Variants in PDE1C observed in about 807,000 individuals in gnomAD.
PDE1C encodes the protein phosphodiesterase 1C, also known as dual specificity calcium/calmodulin-dependent 3',5'-cyclic nucleotide phosphodiesterase 1C.
A neutral mutation model predicts 93.1 loss-of-function variants in PDE1C; 62 were observed. That is an observed-to-expected ratio of 0.67 (90% confidence interval 0.54 to 0.82). The LOEUF (loss-of-function observed/expected upper bound fraction) is 0.82. Ranked by LOEUF, PDE1C falls within the 40% of genes least tolerant of loss-of-function variation. The pLI, the probability that PDE1C is intolerant of heterozygous loss-of-function variation, is 0.00. For missense variants in PDE1C, 742 were observed against 884.6 expected, an observed-to-expected ratio of 0.84 and a Z score of 2.04; for synonymous variants, 325 against 310.1, an observed-to-expected ratio of 1.05 and a Z score of -0.50.
the PDE1C span, among the ~76,000 whole-genome samples, chr7:31,683,797 AAATTGTCTGGAAATGCTC>A: frequency 5.3e-5 from 8 of 152,254 alleles, no homozygotes; most frequent in Non-Finnish European, 1.2e-4. Context: ...TGACTAAAAT[AAATTGTCTGGAAATGCTC>A]AATCATTTTA....
intron 2 of PDE1C, among the ~76,000 whole-genome samples, chr7:32,013,574 G>C (rs746377289): frequency 3.9e-5 from 6 of 152,204 alleles, no homozygotes; most frequent in Non-Finnish European, 8.8e-5. Context: ...GGCAAAGGCA[G>C]AGGAGAATAA....
chr7:31,844,523 T>C (rs925945618), intron 9 of PDE1C, among the ~76,000 whole-genome samples: 11 of 151,970 alleles, frequency 7.2e-5, no homozygotes, highest in Non-Finnish European at 1.5e-5. Flanking sequence ...TAGTCTACTG[T>C]GATTCAACTT....
chr7:31,889,329 G>A (rs1023318549), intron 2 of PDE1C, among the ~76,000 whole-genome samples: 4 of 152,160 alleles, frequency 2.6e-5, no homozygotes, highest in Admixed American at 1.3e-4. Context: ...GTGTGAGGAT[G>A]TGCATATGTA....
chr7:32,220,796 C>G (rs577859561), intron 1 of PDE1C, among the ~76,000 whole-genome samples: 1 of 152,046 alleles, frequency 6.6e-6, no homozygotes, highest in Non-Finnish European at 1.5e-5. Flanking sequence ...CCAGCCTGGG[C>G]GACAGAGCGA....
In PDE1C at chr7:31,964,000, G is replaced by T. The variant is rs531411170; in HGVS notation, c.129-83140C>A. Among the ~76,000 whole-genome samples the T allele has an allele frequency of 5.9e-5, 9 of 152,342 alleles. 1 individual carries two copies. Among genetic ancestry groups the T allele is most frequent in the African/African-American group, 2.2e-4 (9 of 41,584 alleles). ...GAGGCAAGGTGGCCAAATAGGAACA[G>T]CTGGGAGCTATCTACAGCTCCCAGT... On this transcript the variant is annotated intron_variant, in intron 2 of 17. Coordinates refer to ENST00000396191, the MANE Select transcript of PDE1C (RefSeq NM_001191057.4).
the PDE1C span, chr7:31,651,244 T>C: frequency 1.2e-6 from 2 of 1,613,438 alleles, no homozygotes; most frequent in Non-Finnish European, 1.7e-6. Context: ...GGCCCTCTTT[T>C]CCAGGGACAT....
chr7:31,678,074 AT>A, the PDE1C span, among the ~76,000 whole-genome samples: 1 of 152,178 alleles, frequency 6.6e-6, no homozygotes, highest in South Asian at 2.1e-4. Flanking sequence ...TTAATAAAAA[AT>A]GTTCTAACGC....
rs12154642 is a variant in PDE1C, at chr7:32,168,852, T to G, written c.308+933A>C. On this transcript the variant is annotated intron_variant, in intron 3 of 18. Transcript: ENST00000396193. Reference sequence around the variant, plus strand: ...TCACTGAGCAATTACACATATCACCTGGATACAAAAGAGAGTATATTTTTC... The same window carrying G: ...TCACTGAGCAATTACACATATCACCGGGATACAAAAGAGAGTATATTTTTC... Among the ~76,000 whole-genome samples the G allele has an allele frequency of 4.0e-3, 614 of 152,246 alleles. 8 individuals carry two copies. The highest frequency in any genetic ancestry group is 0.033 in the South Asian group (161 of 4,826).
At chr7:32,201,322 G>A (rs1157795094) in intron 2 of PDE1C, among the ~76,000 whole-genome samples, 1 of 152,176 alleles carries the variant, frequency 6.6e-6, no homozygotes, top group Non-Finnish European at 1.5e-5. Flanking sequence ...TAGAGGAGGA[G>A]GTGCTTGGAG....
At chr7:32,111,608 G>A (rs1171871954) in intron 3 of PDE1C, among the ~76,000 whole-genome samples, 1 of 152,072 alleles carries the variant, frequency 6.6e-6, no homozygotes, top group Non-Finnish European at 1.5e-5. Context: ...AATGTCTGTT[G>A]GGGAAACTGA....
chr7:31,703,405 A>G, the PDE1C span, among the ~76,000 whole-genome samples: 1 of 152,332 alleles, frequency 6.6e-6, no homozygotes, highest in Non-Finnish European at 1.5e-5. Context: ...TGAATCAAAA[A>G]TGTTTATCAA....
At chr7:32,189,984 T>C (rs1161694924) in intron 2 of PDE1C, among the ~76,000 whole-genome samples, 1 of 152,224 alleles carries the variant, frequency 6.6e-6, no homozygotes, top group Admixed American at 6.5e-5. Flanking sequence ...AAAAACTTGG[T>C]TGAACATCTC....
intron 1 of PDE1C, among the ~76,000 whole-genome samples, chr7:32,356,202 C>T (rs1378829336): frequency 1.2e-4 from 19 of 152,210 alleles, no homozygotes; most frequent in Admixed American, 1.2e-3. Context: ...AAGGCTCCAG[C>T]CAACATTCAG....
At chr7:31,965,333 C>A (rs1010006670) in intron 2 of PDE1C, among the ~76,000 whole-genome samples, 1 of 152,000 alleles carries the variant, frequency 6.6e-6, no homozygotes, top group Admixed American at 6.6e-5. Flanking sequence ...GTAGCCGATG[C>A]GATCAACTGG....
At chr7:31,645,713 T>C in the PDE1C span, among the ~76,000 whole-genome samples, 2 of 152,158 alleles carry the variant, frequency 1.3e-5, no homozygotes, top group Non-Finnish European at 2.9e-5. Context: ...AACTCCCAGA[T>C]GACATTTCGT....
At chr7:31,976,514 A>G (rs1042178098) in intron 2 of PDE1C, among the ~76,000 whole-genome samples, 1 of 152,218 alleles carries the variant, frequency 6.6e-6, no homozygotes, top group Non-Finnish European at 1.5e-5. Flanking sequence ...TATGGTTTCT[A>G]TTAAATAGGT....
chr7:32,083,907 G>A (rs1261503932), intron 3 of PDE1C, among the ~76,000 whole-genome samples: 1 of 151,772 alleles, frequency 6.6e-6, no homozygotes, highest in African/African-American at 2.4e-5. Flanking sequence ...ATGCCAAAAT[G>A]TAAAGACCAT....
chr7:32,404,047 C>T (rs1303603089), intron 1 of PDE1C, among the ~76,000 whole-genome samples: 6 of 152,300 alleles, frequency 3.9e-5, no homozygotes, highest in African/African-American at 7.2e-5. Context: ...ATTAGCCCAA[C>T]GACTAACTGC....
chr7:31,865,206 C>T lies in PDE1C; in HGVS notation c.610-124G>A, dbSNP rs1562940794. ...TAACACATGAGGAAATTGGAACTTACACAGTTAATAAAAATTACTGACAAA... is the reference window on the plus strand; with the variant it reads ...TAACACATGAGGAAATTGGAACTTATACAGTTAATAAAAATTACTGACAAA... On this transcript the variant is annotated intron_variant, in intron 6 of 17. Transcript: ENST00000396191. 8.5e-6 allele frequency: 7 copies of T among 823,310 alleles called. No homozygotes were observed. In the South Asian group the frequency reaches 1.3e-4, roughly 15 times the overall value. 51.0% of individuals were successfully genotyped at this position (823,310 alleles called of 1,614,324 possible).
Sources: allele counts gnomAD v4.1 joint callset (sites outside exome capture counted in the v4.1 genomes callset), GRCh38; gene constraint gnomAD v4.1.1; transcripts MANE v1.5; gene names NCBI Gene and HGNC (gene_info 2026-07-23, HGNC 2026-07-21).